The following NT5C2 variants were observed in gnomAD, a reference collection of about 807,000 sequenced individuals.
NT5C2 encodes 5'-nucleotidase, cytosolic II, also known as cytosolic purine 5'-nucleotidase.
A neutral mutation model predicts 76.1 loss-of-function variants in NT5C2; 58 were observed. The ratio of observed to expected loss-of-function variants is 0.76; its 90% CI spans 0.62 to 0.95. NT5C2 has a LOEUF of 0.95. NT5C2 is among the 40% of genes least tolerant of loss of function. NT5C2 has a pLI of 0.00. For synonymous variants in NT5C2, 229 were observed against 237.4 expected (o/e 0.96, Z 0.32); for missense variants, 478 against 690.3 (o/e 0.69, Z 3.45).
At position 103,089,576 on chromosome 10, in the gene NT5C2, C is replaced by G. The variant is rs997483456; in HGVS notation, c.*96G>C. The G allele has an allele frequency of 1.4e-6, 2 of 1,431,088 alleles. No individual in the cohort carries two copies. The highest frequency in any genetic ancestry group is 2.9e-5 in the African/African-American group (2 of 69,646). 88.6% of individuals were successfully genotyped at this position (1,431,088 alleles called of 1,614,324 possible). Reference sequence around the variant, plus strand: ...AGACGTACCTTTCATGGAGCCCCCTCCCTCCCCCGAGTAGAACCCTAACAG... The same window carrying G: ...AGACGTACCTTTCATGGAGCCCCCTGCCTCCCCCGAGTAGAACCCTAACAG... On this transcript the variant is annotated 3_prime_UTR_variant, in exon 19 of 19. Coordinates refer to ENST00000404739, the MANE Select transcript of NT5C2 (RefSeq NM_001351169.2).
chr10:103,190,077 T>C (rs1208502126), intron 1 of NT5C2, among the ~76,000 whole-genome samples: 1 of 142,956 alleles, frequency 7.0e-6, no homozygotes, highest in Admixed American at 7.5e-5. Flanking sequence ...CTCAGCTCAC[T>C]GCAACCTCCG....
intron 1 of NT5C2, among the ~76,000 whole-genome samples, chr10:103,187,425 C>T (rs1177059390): frequency 2.1e-5 from 3 of 145,960 alleles, no homozygotes; most frequent in African/African-American, 5.1e-5. Flanking sequence ...TAGTGGTGGG[C>T]GCCTGTAATC....
intron 12 of NT5C2, among the ~76,000 whole-genome samples, chr10:103,095,189 T>G (rs1406638100): frequency 6.6e-6 from 1 of 152,146 alleles, no homozygotes; most frequent in Non-Finnish European, 1.5e-5. Flanking sequence ...CTGGTTACAT[T>G]CTCAGAATGA....
chr10:103,129,546 G>A (rs1331565456), intron 4 of NT5C2, among the ~76,000 whole-genome samples: 5 of 115,246 alleles, frequency 4.3e-5, no homozygotes, highest in East Asian at 2.8e-4. Flanking sequence ...CCCCCCGCCC[G>A]GCCAGCCGCC....
intron 4 of NT5C2, among the ~76,000 whole-genome samples, chr10:103,114,278 C>G (rs1305794537): frequency 6.6e-6 from 1 of 152,074 alleles, no homozygotes; most frequent in African/African-American, 2.4e-5. Flanking sequence ...AAAAAATTAG[C>G]CGAGTGTGGT....
chr10:103,100,799 C>T (rs2135065731), intron 8 of NT5C2: 1 of 636,542 alleles, frequency 1.6e-6, no homozygotes, highest in Non-Finnish European at 2.9e-6. Flanking sequence ...CGTCTTCATT[C>T]CCAGGAGAAG....
chr10:103,108,452 G>A (rs1285472340), intron 4 of NT5C2, among the ~76,000 whole-genome samples: 2 of 152,076 alleles, frequency 1.3e-5, no homozygotes, highest in African/African-American at 2.4e-5. Flanking sequence ...TATCCAAGTT[G>A]GTGCTAATAC....
intron 4 of NT5C2, among the ~76,000 whole-genome samples, chr10:103,116,605 T>G (rs2074410155): frequency 6.8e-6 from 1 of 146,810 alleles, no homozygotes; most frequent in African/African-American, 2.5e-5. Context: ...TTTTTTGCTC[T>G]GCCATCCTGG....
At chr10:103,118,844 A>T (rs1425988580) in intron 4 of NT5C2, among the ~76,000 whole-genome samples, 1 of 149,054 alleles carries the variant, frequency 6.7e-6, no homozygotes, top group African/African-American at 2.5e-5. Flanking sequence ...TGGAGAGGGA[A>T]TTTTTTTTTT....
At chr10:103,135,245 C>A (rs980563339) in intron 4 of NT5C2, among the ~76,000 whole-genome samples, 1 of 152,204 alleles carries the variant, frequency 6.6e-6, no homozygotes, top group Non-Finnish European at 1.5e-5. Context: ...CAAATCTCAT[C>A]TTCAATTCCC....
intron 3 of NT5C2, chr10:103,153,496 G>C (rs556323818): frequency 2.0e-6 from 2 of 985,158 alleles, no homozygotes; most frequent in African/African-American, 1.7e-5. Context: ...TTAAATACTT[G>C]AAAACTTAAG....
At chr10:103,105,347 T>C in intron 6 of NT5C2, 2 of 869,346 alleles carry the variant, frequency 2.3e-6, no homozygotes, top group Non-Finnish European at 3.0e-6. Flanking sequence ...AAAGCATTTT[T>C]ATATACATAC....
intron 4 of NT5C2, among the ~76,000 whole-genome samples, chr10:103,128,920 A>C: frequency 1.2e-5 from 1 of 83,870 alleles, no homozygotes; most frequent in Admixed American, 1.1e-4. Flanking sequence ...CAGCCACCCC[A>C]TCTGGGAAGT....
Position 103,097,345 on chromosome 10 carries a change from C to G in NT5C2, c.717G>C (p.Met239Ile). ...CAAGAAATACTTTCCCTACTTCCTT[C>G]ATCCGGCTCAGAAGCAAAGGCAGTT... Reference protein sequence around the residue: ...DGKLPLLLSRMKEVGKVFLAT... With the variant: ...DGKLPLLLSRIKEVGKVFLAT... The change falls in exon 11 of 19, where the codon ATG becomes ATC. Residue 239 changes from methionine (M) to isoleucine (I), a missense_variant. Coordinates refer to ENST00000404739, the MANE Select transcript of NT5C2 (RefSeq NM_001351169.2). The G allele has an allele frequency of 6.2e-7, 1 of 1,613,818 alleles. No homozygotes were observed. The highest frequency in any genetic ancestry group is 8.5e-7 in the Non-Finnish European group (1 of 1,179,824).
intron 18 of NT5C2, 63 bp from the exon 19 acceptor site, chr10:103,089,971 C>T (rs960441868): frequency 7.3e-7 from 1 of 1,361,254 alleles, no homozygotes; most frequent in Non-Finnish European, 1.0e-6. Flanking sequence ...TCCCCAAATC[C>T]TAACCCCTCT....
Position 103,094,526 on chromosome 10 carries a change from C to G in NT5C2, c.814-71G>C, listed in dbSNP as rs1033915847. On this transcript the variant is annotated intron_variant, in intron 12 of 18. Transcript: ENST00000404739. ...TAAGGCATTACTATTTAATCTCACT[C>G]AGATGCAAGGAATATAAAAATACTA... The G allele has an allele frequency of 1.3e-4, 100 of 786,090 alleles. 2 individuals carry two copies. The Admixed American group carries it at 1.9e-3, about 15-fold the overall frequency. 48.7% of individuals were successfully genotyped at this position (786,090 alleles called of 1,614,324 possible). A position where few individuals can be genotyped will look rare whatever the true frequency, so the allele number is the denominator to read the frequency against.
At chr10:103,121,278 T>C (rs2153774) in intron 4 of NT5C2, among the ~76,000 whole-genome samples, 47,949 of 152,060 alleles carry the variant, frequency 0.32, 7,648 homozygotes, top group Middle Eastern at 0.36. Flanking sequence ...AAAATGGTAA[T>C]ATTATATTCT....
At chr10:103,133,286 A>AT (rs2078583361) in intron 4 of NT5C2, among the ~76,000 whole-genome samples, 2 of 150,210 alleles carry the variant, frequency 1.3e-5, no homozygotes, top group Non-Finnish European at 3.0e-5. Flanking sequence ...TTTTTTTTTG[A>AT]AATGGAGTTT....
intron 4 of NT5C2, among the ~76,000 whole-genome samples, chr10:103,108,262 C>T (rs971367123): frequency 7.2e-5 from 11 of 152,080 alleles, no homozygotes; most frequent in Non-Finnish European, 1.5e-5. Context: ...GTGAGTAAGC[C>T]ATATTAAAAA....
Sources: gnomAD v4.1 joint callset for allele counts (sites outside exome capture counted in the v4.1 genomes callset) on GRCh38, gnomAD v4.1.1 for gene constraint, MANE v1.5 for transcripts, NCBI Gene and HGNC (gene_info 2026-07-23, HGNC 2026-07-21) for gene names.